FRYL: variants seen among roughly 807,000 people sequenced by gnomAD.
FRYL encodes the protein protein furry homolog-like.
A neutral mutation model predicts 351.2 loss-of-function variants in FRYL; 150 were observed. The observed-to-expected ratio is 0.43, with a 90% CI of 0.37 to 0.49. The LOEUF (loss-of-function observed/expected upper bound fraction) is 0.49. Among genes scored for constraint, FRYL ranks in the 20% least tolerant of loss-of-function variants. The pLI is 0.00. For synonymous variants in FRYL, 1,153 were observed against 1,257.1 expected (o/e 0.92, Z 1.75); for missense variants, 3,036 against 3,619.3 (o/e 0.84, Z 4.13).
chr4:48,745,514 A>C (rs1310061607), intron 1 of FRYL, among the ~76,000 whole-genome samples: 1 of 152,134 alleles, frequency 6.6e-6, no homozygotes, highest in African/African-American at 2.4e-5. Context: ...CAAAAAACCA[A>C]ACACTGCATG....
intron 9 of FRYL, 131 bp downstream of exon 9, chr4:48,608,856 A>G: frequency 1.5e-6 from 1 of 664,584 alleles, no homozygotes; most frequent in Non-Finnish European, 2.7e-6. Context: ...GCAGTAAAGT[A>G]ATAAAAGGTG....
chr4:48,747,273 G>A (rs1411927041), intron 1 of FRYL, among the ~76,000 whole-genome samples: 1 of 151,852 alleles, frequency 6.6e-6, no homozygotes, highest in Non-Finnish European at 1.5e-5. Context: ...TAATTTTAAA[G>A]TGAGTGATAA....
Position 48,510,981 on chromosome 4 carries a change from T to A in FRYL, c.8149A>T (p.Ile2717Phe). 6.2e-7 allele frequency: 1 copy of A among 1,609,804 alleles called. No individual in the cohort carries two copies. The highest frequency in any genetic ancestry group is 1.1e-5 in the South Asian group (1 of 90,098). ...FHVFSRLFQT[I>F]QRKFGEITNE... ...GTTATTTCTCCAAACTTTCTTTGAA[T>A]TGTCTATGGAGAAAAGCAGAAGAAA... is the stretch of plus-strand genomic sequence containing the variant. The change falls in exon 58 of 64, where the codon ATT (isoleucine) becomes TTT (phenylalanine). Residue 2717 changes from isoleucine to phenylalanine, a missense_variant. Physicochemically the swap from Ile to Phe is conservative, Grantham distance 21. Transcript: ENST00000358350.
In FRYL at chr4:48,634,538, A is replaced by G. The variant is rs188473280; in HGVS notation, c.-80-48T>C. 2,166 of 1,467,692 alleles carry G rather than the reference A, an allele frequency of 1.5e-3. 3 individuals carry two copies. The highest frequency in any genetic ancestry group is 1.4e-3 in the Non-Finnish European group (1,481 of 1,066,420). 90.9% of individuals were successfully genotyped at this position (1,467,692 alleles called of 1,614,324 possible). A position where few individuals can be genotyped will look rare whatever the true frequency, so the allele number is the denominator to read the frequency against. On this transcript the variant is annotated intron_variant, in intron 3 of 63. Transcript: ENST00000358350. Reference sequence around the variant, plus strand: ...AACTCTACTTTAATAAATCAACTCAAGAGGTCTACCATAACTACCCTATTT... The same window carrying G: ...AACTCTACTTTAATAAATCAACTCAGGAGGTCTACCATAACTACCCTATTT...
intron 3 of FRYL, among the ~76,000 whole-genome samples, chr4:48,656,420 T>TATAA (rs1357795455): frequency 3.2e-4 from 13 of 40,118 alleles, no homozygotes; most frequent in South Asian, 1.9e-3. Context: ...ATAATGTATA[T>TATAA]ATAATGTATA....
chr4:48,535,584 CAT>C (rs377184753), intron 48 of FRYL, 71 bp downstream of exon 48: 371 of 716,198 alleles, frequency 5.2e-4, no homozygotes, highest in Non-Finnish European at 6.6e-4. Context: ...TATATATACA[CAT>C]ACACACACAC....
At chr4:48,630,366 A>C (rs776582) in intron 4 of FRYL, among the ~76,000 whole-genome samples, 144,831 of 152,228 alleles carry the variant, frequency 0.95, 68,984 homozygotes, top group South Asian at 0.98. Flanking sequence ...TTTAAGACAC[A>C]TACATATATT....
In FRYL at chr4:48,663,774, C is replaced by CAAAAAAA. The variant is rs71191251; in HGVS notation, c.-81+20892_-81+20898dup. Among the ~76,000 whole-genome samples the CAAAAAAA allele has an allele frequency of 8.1e-4, 57 of 69,978 alleles. 2 individuals are homozygous for CAAAAAAA. Among genetic ancestry groups the CAAAAAAA allele is most frequent in the African/African-American group, 1.4e-3 (28 of 20,116 alleles). The allele number at this position is 69,978 out of a possible 152,430, so 45.9% of individuals were successfully genotyped here. On this transcript the variant is annotated intron_variant, in intron 3 of 63. Transcript: ENST00000358350. The stretch of plus-strand genomic sequence containing the variant: ...TGGGCGACAGAGCGAGACTCCGTCT[C>CAAAAAAA]AAAAAAAAAAAAAAAAAAAAAAAGA...
At chr4:48,674,652 A>G (rs1208505448) in intron 3 of FRYL, among the ~76,000 whole-genome samples, 3 of 146,802 alleles carry the variant, frequency 2.0e-5, no homozygotes, top group Non-Finnish European at 4.5e-5. Flanking sequence ...CAGGAGAATG[A>G]CGTGAACCTG....
intron 18 of FRYL, among the ~76,000 whole-genome samples, chr4:48,587,110 A>G (rs1432030605): frequency 6.6e-6 from 1 of 151,916 alleles, no homozygotes; most frequent in Non-Finnish European, 1.5e-5. Flanking sequence ...ATAACTAAAT[A>G]CTGGTTATTT....
chr4:48,510,733 A>G, intron 58 of FRYL, 102 bp downstream of exon 58: 1 of 911,392 alleles, frequency 1.1e-6, no homozygotes. Flanking sequence ...TGAAAATACG[A>G]ACCTTTATAC....
At chr4:48,528,441 A>T (rs1181225380) in intron 50 of FRYL, 105 bp from the exon 51 acceptor site, 1 of 740,140 alleles carries the variant, frequency 1.4e-6, no homozygotes, top group African/African-American at 1.8e-5. Flanking sequence ...ATAAAAAAAA[A>T]GATGAGGAGA....
intron 16 of FRYL, among the ~76,000 whole-genome samples, chr4:48,591,086 T>C (rs552438013): frequency 6.6e-6 from 1 of 152,272 alleles, no homozygotes; most frequent in South Asian, 2.1e-4. Flanking sequence ...ATAGCAATCC[T>C]CTTCCTCAAC....
chr4:48,658,361 T>G (rs1453989499), intron 3 of FRYL, among the ~76,000 whole-genome samples: 2 of 151,950 alleles, frequency 1.3e-5, no homozygotes, highest in East Asian at 3.9e-4. Flanking sequence ...AAATACCACA[T>G]CAATCCTAGA....
chr4:48,564,908 C>A (rs868565674), intron 30 of FRYL, 25 bp downstream of exon 30: 1 of 1,248,264 alleles, frequency 8.0e-7, no homozygotes, highest in Middle Eastern at 1.9e-4. Context: ...TTATTATGAA[C>A]CTTTAAGGAA....
At chr4:48,732,564 G>T (rs1770842394) in intron 1 of FRYL, among the ~76,000 whole-genome samples, 1 of 152,042 alleles carries the variant, frequency 6.6e-6, no homozygotes, top group South Asian at 2.1e-4. Flanking sequence ...AAGAAAATGT[G>T]GCACATATAC....
intron 1 of FRYL, among the ~76,000 whole-genome samples, chr4:48,716,122 A>T (rs550709305): frequency 6.6e-6 from 1 of 152,196 alleles, no homozygotes; most frequent in Non-Finnish European, 1.5e-5. Flanking sequence ...ACAAAAATCA[A>T]TTCAAGATGG....
chr4:48,509,210 T>G (rs1234289448), intron 59 of FRYL, among the ~76,000 whole-genome samples: 1 of 152,060 alleles, frequency 6.6e-6, no homozygotes, highest in Non-Finnish European at 1.5e-5. Flanking sequence ...TCGCAATACA[T>G]ACATCCAAAA....
At chr4:48,626,003 C>T (rs184196636) in intron 4 of FRYL, among the ~76,000 whole-genome samples, 2 of 152,150 alleles carry the variant, frequency 1.3e-5, no homozygotes, top group Admixed American at 6.5e-5. Flanking sequence ...CTACAAAGAA[C>T]ACAGATGACA....
Sources: allele counts gnomAD v4.1 joint callset (sites outside exome capture counted in the v4.1 genomes callset), GRCh38; gene constraint gnomAD v4.1.1; transcripts MANE v1.5; gene names NCBI Gene and HGNC (gene_info 2026-07-23, HGNC 2026-07-21).